The following GABRB2 variants were observed in gnomAD, a reference collection of about 807,000 sequenced individuals.
GABRB2 encodes the protein gamma-aminobutyric acid type A receptor subunit beta2.
Under a neutral mutation model 54.7 loss-of-function variants are expected in GABRB2, and 16 were observed. That is an observed-to-expected ratio of 0.29 (90% CI 0.20 to 0.44). The LOEUF (loss-of-function observed/expected upper bound fraction) is 0.44, where lower values mean the gene tolerates loss of function less well. Ranked by LOEUF, GABRB2 falls within the 20% of genes least tolerant of loss-of-function variation. The pLI, the probability that GABRB2 is intolerant of heterozygous loss-of-function variation, is 1.00. For missense variants in GABRB2, 355 were observed against 644.0 expected, an observed-to-expected ratio of 0.55 and a Z score of 4.86; for synonymous variants, 244 against 233.8, an observed-to-expected ratio of 1.04 and a Z score of -0.40.
At chr5:161,335,198 CAG>C (rs2113405653) in intron 6 of GABRB2, among the ~76,000 whole-genome samples, 1 of 152,136 alleles carries the variant, frequency 6.6e-6, no homozygotes, top group Non-Finnish European at 1.5e-5. Context: ...CAATTTGGGA[CAG>C]TTCTTTTTTT....
intron 4 of GABRB2, among the ~76,000 whole-genome samples, chr5:161,417,026 ACTT>A (rs1237414899): frequency 2.6e-5 from 4 of 152,154 alleles, no homozygotes; most frequent in Admixed American, 1.3e-4. Context: ...TATGAACTAA[ACTT>A]CTGAAAATTC....
At chr5:161,321,363 T>G (rs2113380868) in intron 9 of GABRB2, among the ~76,000 whole-genome samples, 1 of 152,242 alleles carries the variant, frequency 6.6e-6, no homozygotes, top group East Asian at 1.9e-4. Context: ...CTTACACATA[T>G]TTATTATCCA....
At chr5:161,392,650 C>T (rs1755866156) in intron 5 of GABRB2, among the ~76,000 whole-genome samples, 1 of 152,154 alleles carries the variant, frequency 6.6e-6, no homozygotes, top group Non-Finnish European at 1.5e-5. Context: ...ACTGATAGTA[C>T]TTTACAGGAT....
At chr5:161,339,179 G>A (rs774454127) in intron 5 of GABRB2, among the ~76,000 whole-genome samples, 39 of 152,156 alleles carry the variant, frequency 2.6e-4, no homozygotes, top group Non-Finnish European at 4.0e-4. Context: ...GAAATGCACT[G>A]TAAAATTTTT....
At chr5:161,427,285 T>C (rs1459351537) in intron 4 of GABRB2, among the ~76,000 whole-genome samples, 3 of 152,164 alleles carry the variant, frequency 2.0e-5, no homozygotes, top group Non-Finnish European at 4.4e-5. Context: ...TTTTCTGCAA[T>C]GGACCAAACA....
At chr5:161,469,245 A>G (rs999568959) in intron 3 of GABRB2, among the ~76,000 whole-genome samples, 13 of 151,986 alleles carry the variant, frequency 8.6e-5, no homozygotes, top group Non-Finnish European at 1.8e-4. Context: ...AGTATCTAAC[A>G]TTACAAATAT....
chr5:161,516,006 T>C (rs1171698324), intron 3 of GABRB2, among the ~76,000 whole-genome samples: 1 of 152,124 alleles, frequency 6.6e-6, no homozygotes, highest in East Asian at 1.9e-4. Flanking sequence ...CAAGAGGCAG[T>C]TGCTATAGAA....
At chr5:161,342,040 T>A (rs1754183676) in intron 5 of GABRB2, among the ~76,000 whole-genome samples, 1 of 150,096 alleles carries the variant, frequency 6.7e-6, no homozygotes, top group Non-Finnish European at 1.5e-5. Flanking sequence ...TTTTTTAAAC[T>A]TTGTTTCTCA....
intron 5 of GABRB2, among the ~76,000 whole-genome samples, chr5:161,368,501 TA>T (rs1193158218): frequency 6.6e-6 from 1 of 152,192 alleles, no homozygotes; most frequent in East Asian, 1.9e-4. Flanking sequence ...GCTCATTCTG[TA>T]AAAAATTCTA....
rs191408470 is a variant in GABRB2, at chr5:161,430,952, A to G, written c.459-19895T>C. On this transcript the variant is annotated intron_variant, in intron 4 of 9. Transcript: ENST00000393959. ...ATAGAAGACTTGTGAGTTTAAGTCA[A>G]TTTTCACAGTTCAGGAAACAAAGCA... 1.4e-4 allele frequency among the ~76,000 whole-genome samples: 22 copies of G among 152,282 alleles called. No individual in the cohort carries two copies. In the East Asian group the frequency reaches 4.2e-3, roughly 29 times the overall value.
chr5:161,364,847 A>G (rs904036477), intron 5 of GABRB2, among the ~76,000 whole-genome samples: 1 of 152,146 alleles, frequency 6.6e-6, no homozygotes, highest in Non-Finnish European at 1.5e-5. Context: ...AAGACTCTTC[A>G]ACTATATAAT....
At chr5:161,430,403 G>T (rs749430998) in intron 4 of GABRB2, among the ~76,000 whole-genome samples, 4 of 152,150 alleles carry the variant, frequency 2.6e-5, no homozygotes, top group Admixed American at 2.6e-4. Flanking sequence ...TGTTGTGAGT[G>T]TTAGCCCACT....
chr5:161,321,667 C>G (rs253003), intron 9 of GABRB2, among the ~76,000 whole-genome samples: 45,908 of 151,988 alleles, frequency 0.3, 7,578 homozygotes, highest in African/African-American at 0.43. Flanking sequence ...TACTTTCTCC[C>G]TCTCAGAAAC....
intron 4 of GABRB2, among the ~76,000 whole-genome samples, chr5:161,425,792 C>G (rs1252843703): frequency 2.6e-5 from 4 of 152,112 alleles, no homozygotes; most frequent in Admixed American, 6.6e-5. Context: ...ACATAGCTTA[C>G]ATTTTTCATA....
chr5:161,349,147 C>A (rs936950848), intron 5 of GABRB2, among the ~76,000 whole-genome samples: 3 of 151,922 alleles, frequency 2.0e-5, no homozygotes, highest in African/African-American at 7.3e-5. Context: ...CAGAAAATAG[C>A]TCAAGTAATA....
intron 5 of GABRB2, among the ~76,000 whole-genome samples, chr5:161,343,615 G>C (rs1190226145): frequency 6.6e-6 from 1 of 151,948 alleles, no homozygotes; most frequent in Non-Finnish European, 1.5e-5. Flanking sequence ...GAGAGACTAA[G>C]CAGTTAATCT....
intron 4 of GABRB2, among the ~76,000 whole-genome samples, chr5:161,422,040 G>A (rs1276863711): frequency 6.6e-6 from 1 of 152,056 alleles, no homozygotes; most frequent in African/African-American, 2.4e-5. Flanking sequence ...ATTCTGGAGG[G>A]AAATAGATCC....
intron 3 of GABRB2, among the ~76,000 whole-genome samples, chr5:161,542,353 A>C (rs1473654719): frequency 1.3e-5 from 2 of 152,220 alleles, no homozygotes; most frequent in Non-Finnish European, 2.9e-5. Flanking sequence ...ACAAACCTTC[A>C]ATTTATAAAA....
chr5:161,457,988 T>C (rs531290653), intron 4 of GABRB2, among the ~76,000 whole-genome samples: 8 of 152,280 alleles, frequency 5.3e-5, no homozygotes, highest in East Asian at 1.9e-4. Flanking sequence ...AGTGATATGA[T>C]GGACAAAATG....
Sources: allele counts gnomAD v4.1 joint callset (sites outside exome capture counted in the v4.1 genomes callset), GRCh38; gene constraint gnomAD v4.1.1; transcripts MANE v1.5; gene names NCBI Gene and HGNC (gene_info 2026-07-23, HGNC 2026-07-21).